Variants in UGT1A6 observed in about 807,000 individuals in gnomAD.
The protein encoded by UGT1A6 is UDP glucuronosyltransferase family 1 member A6.
Under a neutral mutation model 44.4 loss-of-function variants are expected in UGT1A6, and 32 were observed. The observed-to-expected ratio is 0.72, with a 90% CI of 0.54 to 0.97. The LOEUF is 0.97. Among genes scored for constraint, UGT1A6 ranks in the 50% least tolerant of loss-of-function variants. The probability of loss-of-function intolerance (pLI) is 0.00; values close to 1 mark genes in which losing one functional copy is unlikely to be tolerated. For synonymous variants in UGT1A6, 238 were observed against 248.5 expected (o/e 0.96, Z 0.40); for missense variants, 685 against 661.9 (o/e 1.03, Z -0.38).
At position 233,758,850 on chromosome 2, in the gene UGT1A6, C is replaced by A. The variant is rs141810687; in HGVS notation, c.862-8184C>A. ...CAAAAAGAGTGTAATACTTCCAATT[C>A]TGGCTGCACAATACTTGCCCCATAG... On this transcript the variant is annotated intron_variant, in intron 1 of 4. Transcript: ENST00000305139. Among the ~76,000 whole-genome samples the A allele has an allele frequency of 4.5e-3, 678 of 152,282 alleles. 10 individuals are homozygous for A. The highest frequency in any genetic ancestry group is 0.015 in the African/African-American group (640 of 41,546).
chr2:233,770,451 C>T (rs565936223), intron 4 of UGT1A6: 5 of 152,088 alleles, frequency 3.3e-5, no homozygotes, highest in Admixed American at 1.3e-4. Flanking sequence ...GTTAGGAGTT[C>T]GAAACCAACC....
chr2:233,712,975 C>T (rs558021110), intron 1 of UGT1A6: 154 of 1,613,050 alleles, frequency 9.5e-5, no homozygotes, highest in Middle Eastern at 7.8e-4. Context: ...AGTCAGCTGT[C>T]GGTGGCTTCT....
chr2:233,745,629 A>T (rs1334214032), intron 1 of UGT1A6, among the ~76,000 whole-genome samples: 1 of 151,506 alleles, frequency 6.6e-6, no homozygotes, highest in East Asian at 1.9e-4. Context: ...ACAGTCATAG[A>T]AAGCTGGCCG....
At chr2:233,729,071 A>G in intron 1 of UGT1A6, 1 of 1,611,650 alleles carries the variant, frequency 6.2e-7, no homozygotes, top group Non-Finnish European at 8.5e-7. Flanking sequence ...TGAAGAAAGC[A>G]AATGTAGCAG....
chr2:233,692,758 C>G (rs932317185), upstream of UGT1A6: 26 of 1,183,656 alleles, frequency 2.2e-5, no homozygotes, highest in Non-Finnish European at 2.8e-5. Context: ...ACTTGTGGAG[C>G]TGAAGAGAAA....
chr2:233,719,669 C>T (rs375077876), intron 1 of UGT1A6: 192 of 1,614,064 alleles, frequency 1.2e-4, no homozygotes, highest in East Asian at 4.0e-4. Context: ...ACTGTGCCAA[C>T]GGGAAGCCAC....
intron 4 of UGT1A6, chr2:233,770,148 T>A (rs1432860944): frequency 2.0e-5 from 3 of 152,232 alleles, no homozygotes; most frequent in Admixed American, 6.5e-5. Context: ...CATTATTTTT[T>A]AAAAAAACAC....
intron 1 of UGT1A6, chr2:233,743,541 A>ACC (rs544018510): frequency 2.2e-6 from 3 of 1,366,832 alleles, no homozygotes; most frequent in South Asian, 1.1e-5. Flanking sequence ...AGTTCCTCTG[A>ACC]CCCCCCCAAA....
Position 233,772,513 on chromosome 2 carries a change from G to C in UGT1A6, c.1553G>C (p.Gly518Ala), listed in dbSNP as rs867885761. ...CCAYGYRKCL[G>A]KKGRVKKAHK... ...GCTTATGGCTACCGGAAATGCTTGG[G>C]GAAAAAAGGGCGAGTTAAGAAAGCC... The change falls in exon 5 of 5, where the codon GGG (glycine) becomes GCG (alanine). Residue 518 changes from glycine to alanine, a missense_variant. Gly to Ala is a moderately conservative substitution (Grantham distance 60). Transcript: ENST00000305139. 26 of 1,614,000 alleles carry C rather than the reference G, an allele frequency of 1.6e-5. 1 individual carries two copies. In the East Asian group the frequency reaches 5.6e-4, roughly 35 times the overall value.
chr2:233,695,150 A>G (rs1323101502), intron 1 of UGT1A6, among the ~76,000 whole-genome samples: 1 of 73,630 alleles, frequency 1.4e-5, no homozygotes, highest in African/African-American at 5.6e-5. Flanking sequence ...TTTTTGAGAC[A>G]GAGTCTCACT....
chr2:233,716,607 TGA>T (rs967387624), intron 1 of UGT1A6, among the ~76,000 whole-genome samples: 38 of 152,324 alleles, frequency 2.5e-4, no homozygotes, highest in South Asian at 6.2e-4. Flanking sequence ...TAGAATTTGA[TGA>T]GGTTTATTCT....
intron 1 of UGT1A6, among the ~76,000 whole-genome samples, chr2:233,697,116 TC>T (rs775779610): frequency 2.6e-5 from 4 of 152,164 alleles, no homozygotes; most frequent in Non-Finnish European, 5.9e-5. Context: ...AAGTATTCTC[TC>T]CTCTTCATTT....
chr2:233,743,834 A>G lies in UGT1A6; in HGVS notation c.862-23200A>G, dbSNP rs1692538057. 1 of 1,366,970 alleles carries G rather than the reference A, an allele frequency of 7.3e-7. No homozygotes were observed. Among genetic ancestry groups the G allele is most frequent in the South Asian group, 1.1e-5 (1 of 88,054 alleles). The allele number at this position is 1,366,970 out of a possible 1,614,324, so 84.7% of individuals were successfully genotyped here. On this transcript the variant is annotated intron_variant, in intron 1 of 4. Coordinates refer to ENST00000305139, the MANE Select transcript of UGT1A6 (RefSeq NM_001072.4). ...AGGGTTTTTGTCGGGGTGCCACTTG[A>G]GCGCCAGCTTGCGGTACGCCTTCTT...
At chr2:233,697,112 T>C (rs1309108464) in intron 1 of UGT1A6, among the ~76,000 whole-genome samples, 2 of 152,140 alleles carry the variant, frequency 1.3e-5, no homozygotes, top group African/African-American at 2.4e-5. Context: ...TTGGAAGTAT[T>C]CTCTCCTCTT....
chr2:233,748,180 G>T (rs1460619178), intron 1 of UGT1A6: 22 of 1,578,250 alleles, frequency 1.4e-5, no homozygotes, highest in Non-Finnish European at 1.9e-5. Flanking sequence ...TCTTTCTGGT[G>T]CTTTTATTTC....
chr2:233,772,866 T>C lies in UGT1A6; in HGVS notation c.*307T>C. ...TTTTCTTACTCTGAAACATGGCCTGTTTGGGAGTGCGGGATTCAAAGGTGG... is the reference window on the plus strand; with the variant it reads ...TTTTCTTACTCTGAAACATGGCCTGCTTGGGAGTGCGGGATTCAAAGGTGG... On this transcript the variant is annotated 3_prime_UTR_variant, in exon 5 of 5. Transcript: ENST00000305139. 1 of 650,978 alleles carries C rather than the reference T, an allele frequency of 1.5e-6. No homozygotes were observed. The highest frequency in any genetic ancestry group is 2.3e-6 in the Non-Finnish European group (1 of 438,192). 40.3% of individuals were successfully genotyped at this position (650,978 alleles called of 1,614,324 possible). A position where few individuals can be genotyped will look rare whatever the true frequency, so the allele number is the denominator to read the frequency against.
intron 1 of UGT1A6, chr2:233,713,152 G>A (rs1219842752): frequency 6.2e-7 from 1 of 1,614,236 alleles, no homozygotes; most frequent in Non-Finnish European, 8.5e-7. Flanking sequence ...CTCCATGCGA[G>A]AGGCCACCAG....
At chr2:233,712,361 C>T (rs1434368620) in intron 1 of UGT1A6, among the ~76,000 whole-genome samples, 1 of 152,174 alleles carries the variant, frequency 6.6e-6, no homozygotes, top group Non-Finnish European at 1.5e-5. Flanking sequence ...CTCAGCCTCC[C>T]TGCAGCTTTT....
intron 1 of UGT1A6, chr2:233,721,850 A>G: frequency 1.9e-6 from 1 of 514,452 alleles, no homozygotes; most frequent in Non-Finnish European, 3.9e-6. Context: ...GTCCAGCCCC[A>G]CTGCTCGGCC....
Sources: gnomAD v4.1 joint callset for allele counts (sites outside exome capture counted in the v4.1 genomes callset) on GRCh38, gnomAD v4.1.1 for gene constraint, MANE v1.5 for transcripts, NCBI Gene and HGNC (gene_info 2026-07-23, HGNC 2026-07-21) for gene names.